The following RBFOX1 variants were observed in gnomAD, a reference collection of about 807,000 sequenced individuals.
RBFOX1 encodes the protein RNA binding fox-1 homolog 1, also known as RNA binding protein fox-1 homolog 1.
In RBFOX1, 8 loss-of-function variants were observed where a neutral mutation model predicts 57.7. The ratio of observed to expected loss-of-function variants is 0.14; its 90% CI spans 0.08 to 0.25. The LOEUF (loss-of-function observed/expected upper bound fraction) is 0.25, where lower values mean the gene tolerates loss of function less well. Ranked by LOEUF, RBFOX1 falls within the 10% of genes least tolerant of loss-of-function variation. RBFOX1 has a pLI of 1.00. For missense variants in RBFOX1, 611 were observed against 548.5 expected, an observed-to-expected ratio of 1.11 and a Z score of -1.14; for synonymous variants, 326 against 222.4, an observed-to-expected ratio of 1.47 and a Z score of -4.15.
intron 2 of RBFOX1, among the ~76,000 whole-genome samples, chr16:6,323,202 G>T (rs566147400): frequency 1.3e-5 from 2 of 152,280 alleles, no homozygotes; most frequent in South Asian, 4.1e-4. Flanking sequence ...GGACAGAGCA[G>T]GATAATAAAG....
intron 4 of RBFOX1, among the ~76,000 whole-genome samples, chr16:7,182,832 G>A (rs978778733): frequency 6.6e-6 from 1 of 152,098 alleles, no homozygotes; most frequent in Admixed American, 6.5e-5. Context: ...CCACATTCCT[G>A]AGTTTTTTAT....
intron 3 of RBFOX1, among the ~76,000 whole-genome samples, chr16:6,806,557 A>G (rs553093970): frequency 6.6e-6 from 1 of 152,084 alleles, no homozygotes; most frequent in Middle Eastern, 3.4e-3. Context: ...TGTGGAGAAG[A>G]AATGGATTTT....
chr16:5,985,713 A>C, intron 4 of RBFOX1, among the ~76,000 whole-genome samples: 1 of 152,106 alleles, frequency 6.6e-6, no homozygotes, highest in Non-Finnish European at 1.5e-5. Flanking sequence ...GCAGTTGCAC[A>C]CGCATGGTAC....
At chr16:7,427,063 A>T (rs72656681) in intron 4 of RBFOX1, among the ~76,000 whole-genome samples, 1 of 152,212 alleles carries the variant, frequency 6.6e-6, no homozygotes, top group Non-Finnish European at 1.5e-5. Context: ...GAACTGAACA[A>T]TGAGAACACT....
chr16:5,448,085 T>C (rs1438928024), intron 1 of RBFOX1, among the ~76,000 whole-genome samples: 1 of 152,170 alleles, frequency 6.6e-6, no homozygotes, highest in Non-Finnish European at 1.5e-5. Flanking sequence ...TCTTAGACAA[T>C]TGGCTGGATA....
intron 3 of RBFOX1, among the ~76,000 whole-genome samples, chr16:6,683,067 C>G (rs796093225): frequency 1.3e-5 from 2 of 152,034 alleles, no homozygotes; most frequent in African/African-American, 4.8e-5. Flanking sequence ...GCGTGTGATA[C>G]AACATGTAGA....
At chr16:7,410,392 G>T (rs1430702653) in intron 4 of RBFOX1, among the ~76,000 whole-genome samples, 1 of 152,202 alleles carries the variant, frequency 6.6e-6, no homozygotes, top group East Asian at 1.9e-4. Context: ...CCTTAAGACT[G>T]CAGCCTCGGC....
Position 5,598,867 on chromosome 16 carries a change from C to G in RBFOX1, c.259-35C>G, listed in dbSNP as rs2047273852. 5 of 1,455,334 alleles carry G rather than the reference C, an allele frequency of 3.4e-6. No homozygotes were observed. In the East Asian group the frequency reaches 9.9e-5, roughly 29 times the overall value. 90.2% of individuals were successfully genotyped at this position (1,455,334 alleles called of 1,614,324 possible). A position where few individuals can be genotyped will look rare whatever the true frequency, so the allele number is the denominator to read the frequency against. On this transcript the variant is annotated intron_variant, in intron 2 of 2. Transcript: ENST00000585867. Reference sequence around the variant, plus strand: ...AATTTTTTTCCTCAACCCGGCTTCCCCAACCTTTTTCTCTATTTGTTTGTT... The same window carrying G: ...AATTTTTTTCCTCAACCCGGCTTCCGCAACCTTTTTCTCTATTTGTTTGTT...
At chr16:7,595,049 C>G (rs1245105847) in intron 7 of RBFOX1, among the ~76,000 whole-genome samples, 1 of 152,144 alleles carries the variant, frequency 6.6e-6, no homozygotes, top group Non-Finnish European at 1.5e-5. Context: ...AACCCTAAAA[C>G]TGCATGAAGA....
chr16:7,697,827 C>T (rs17144613), intron 14 of RBFOX1, among the ~76,000 whole-genome samples: 4,187 of 152,212 alleles, frequency 0.028, 197 homozygotes, highest in African/African-American at 0.089. Flanking sequence ...TATTTTGAGT[C>T]GGATGACAAA....
intron 4 of RBFOX1, among the ~76,000 whole-genome samples, chr16:5,910,013 A>T (rs1229178265): frequency 6.6e-6 from 1 of 152,118 alleles, no homozygotes; most frequent in Non-Finnish European, 1.5e-5. Flanking sequence ...AGATTGTGCC[A>T]CTATACTCCA....
Position 5,605,895 on chromosome 16 carries a change from G to T in RBFOX1, c.318+6934G>T, listed in dbSNP as rs560427920. On this transcript the variant is annotated intron_variant, in intron 3 of 19. Transcript: ENST00000641259. The stretch of plus-strand genomic sequence containing the variant: ...AACACAGATGCTGTCCCAACTCCAG[G>T]TGTCTCATAGAGACTTGTAGCAGCC... 2.6e-5 allele frequency among the ~76,000 whole-genome samples: 4 copies of T among 152,222 alleles called. No individual in the cohort carries two copies. In the East Asian group the frequency reaches 5.8e-4, roughly 22 times the overall value.
intron 3 of RBFOX1, among the ~76,000 whole-genome samples, chr16:6,845,741 C>A (rs150176766): frequency 6.6e-6 from 1 of 152,186 alleles, no homozygotes; most frequent in Non-Finnish European, 1.5e-5. Context: ...TCCTTCCTGA[C>A]CCCCATACAC....
At chr16:6,385,602 C>T (rs530801453) in intron 2 of RBFOX1, among the ~76,000 whole-genome samples, 2 of 152,318 alleles carry the variant, frequency 1.3e-5, no homozygotes, top group African/African-American at 4.8e-5. Flanking sequence ...TTAAGTGATC[C>T]ACCTGCCTCG....
chr16:7,500,506 T>C, intron 4 of RBFOX1, among the ~76,000 whole-genome samples: 1 of 152,340 alleles, frequency 6.6e-6, no homozygotes, highest in South Asian at 2.1e-4. Context: ...GAAACGTAGA[T>C]ATGCATCATG....
intron 1 of RBFOX1, among the ~76,000 whole-genome samples, chr16:6,150,681 C>A (rs2096791187): frequency 6.6e-6 from 1 of 152,190 alleles, no homozygotes; most frequent in Non-Finnish European, 1.5e-5. Context: ...TCCTAATGAT[C>A]TTTTCCCTTC....
At chr16:5,807,896 T>G (rs751339019) in intron 3 of RBFOX1, among the ~76,000 whole-genome samples, 1 of 152,210 alleles carries the variant, frequency 6.6e-6, no homozygotes, top group Admixed American at 6.5e-5. Context: ...CTGGACACTT[T>G]CCAGAACCAC....
chr16:6,815,381 C>T (rs1038646176), intron 3 of RBFOX1, among the ~76,000 whole-genome samples: 3 of 152,154 alleles, frequency 2.0e-5, no homozygotes, highest in Non-Finnish European at 4.4e-5. Flanking sequence ...TCTGGGAATG[C>T]AGCCCAGTAG....
intron 2 of RBFOX1, among the ~76,000 whole-genome samples, chr16:6,586,540 A>T (rs536122681): frequency 6.6e-6 from 1 of 152,176 alleles, no homozygotes; most frequent in Admixed American, 6.5e-5. Context: ...TGAAACATCT[A>T]TGTATATATA....
Sources: allele counts gnomAD v4.1 joint callset (sites outside exome capture counted in the v4.1 genomes callset), GRCh38; gene constraint gnomAD v4.1.1; transcripts MANE v1.5; gene names NCBI Gene and HGNC (gene_info 2026-07-23, HGNC 2026-07-21).